The following KDM3A variants were observed in gnomAD, a reference collection of about 807,000 sequenced individuals.
KDM3A encodes the protein lysine demethylase 3A, also known as lysine-specific demethylase 3A.
In KDM3A, 60 loss-of-function variants were observed where a neutral mutation model predicts 158.0. The ratio of observed to expected loss-of-function variants is 0.38; its 90% confidence interval spans 0.31 to 0.47. The LOEUF is 0.47. Ranked by LOEUF, KDM3A falls within the 20% of genes least tolerant of loss-of-function variation. The pLI is 0.99. For synonymous variants in KDM3A, 608 were observed against 549.3 expected (o/e 1.11, Z -1.49); for missense variants, 1,319 against 1,574.3 (o/e 0.84, Z 2.74).
chr2:86,447,483 T>G (rs1040668094), intron 2 of KDM3A, among the ~76,000 whole-genome samples: 1 of 151,304 alleles, frequency 6.6e-6, no homozygotes, highest in African/African-American at 2.4e-5. Flanking sequence ...TGAATAGATA[T>G]TAGATAATTG....
Position 86,491,195 on chromosome 2 carries a change from C to G in KDM3A, c.3805C>G (p.His1269Asp). Reference sequence around the variant, plus strand: ...GGCTGAAGATTTTGTTTCTCCAGAGCATGTTAAACACTGCTTCTGGCTTAC... The same window carrying G: ...GGCTGAAGATTTTGTTTCTCCAGAGGATGTTAAACACTGCTTCTGGCTTAC... Reference protein sequence around the residue: ...KVAEDFVSPEHVKHCFWLTQE... With the variant: ...KVAEDFVSPEDVKHCFWLTQE... Residue 1269 changes from histidine (H) to aspartate (D), a missense_variant, in exon 25 of 26, where the codon CAT becomes GAT. By Grantham distance (81) the His-to-Asp change is moderately conservative. Around this residue, in one of 4 missense-constraint regions of KDM3A, gnomAD observed 186 missense variants for 340.9 expected, o/e 0.55. Transcript: ENST00000312912. The G allele has an allele frequency of 6.2e-7, 1 of 1,613,358 alleles. No individual in the cohort carries two copies. Among genetic ancestry groups the G allele is most frequent in the Non-Finnish European group, 8.5e-7 (1 of 1,179,316 alleles).
In KDM3A at chr2:86,480,343, T is replaced by C. The variant is rs757684789; in HGVS notation, c.2493T>C (p.Asn831=). Residue 831 remains asparagine, a synonymous_variant, in exon 16 of 26, where the codon AAT becomes AAC. Coordinates refer to ENST00000312912, the MANE Select transcript of KDM3A (RefSeq NM_018433.6). ...GGCTGGCCGACCTAACCAGCGGGAATGTCAACAAGGAAAACAAGGGTGAGT... is the reference window on the plus strand; with the variant it reads ...GGCTGGCCGACCTAACCAGCGGGAACGTCAACAAGGAAAACAAGGGTGAGT... ...LNWLADLTSG[N]VNKENKEKQP... is the part of the protein sequence containing the mutation. 7 of 1,612,764 alleles carry C rather than the reference T, an allele frequency of 4.3e-6. No individual in the cohort carries two copies. Among genetic ancestry groups the C allele is most frequent in the Middle Eastern group, 1.6e-4 (1 of 6,064 alleles).
intron 8 of KDM3A, among the ~76,000 whole-genome samples, chr2:86,463,371 A>C (rs1473763044): frequency 6.6e-6 from 1 of 151,794 alleles, no homozygotes; most frequent in Non-Finnish European, 1.5e-5. Context: ...TGGGAAGTTT[A>C]TTTTTGTGAA....
chr2:86,460,998 A>AT (rs1672903246), intron 8 of KDM3A, among the ~76,000 whole-genome samples: 1 of 152,234 alleles, frequency 6.6e-6, no homozygotes, highest in Non-Finnish European at 1.5e-5. Flanking sequence ...AGTTGTGCTA[A>AT]TTCTAACACA....
At chr2:86,439,428 T>A (rs1040872898), upstream of KDM3A, among the ~76,000 whole-genome samples, 1 of 152,088 alleles carries the variant, frequency 6.6e-6, no homozygotes, top group Non-Finnish European at 1.5e-5. Context: ...TTCTTTCTTA[T>A]ACTCGCCCAG....
At position 86,442,191 on chromosome 2, in the gene KDM3A, T is replaced by A; in HGVS notation, c.144T>A (p.Ile48=). Residue 48 remains isoleucine (I), a synonymous_variant, in exon 2 of 26, where the codon ATT becomes ATA. Transcript: ENST00000312912. ...VAEWPWLSGT[I]RAVSHTDVTK... ...AGTGGCCCTGGCTCTCCGGGACCATTCGAGCTGTTTCCCACACCGACGTTA... is the reference window on the plus strand; with the variant it reads ...AGTGGCCCTGGCTCTCCGGGACCATACGAGCTGTTTCCCACACCGACGTTA... The A allele has an allele frequency of 6.2e-7, 1 of 1,613,074 alleles. No homozygotes were observed. Among genetic ancestry groups the A allele is most frequent in the Non-Finnish European group, 8.5e-7 (1 of 1,179,496 alleles).
chr2:86,464,464 G>C (rs1179055033), intron 9 of KDM3A, among the ~76,000 whole-genome samples: 1 of 152,174 alleles, frequency 6.6e-6, no homozygotes, highest in Non-Finnish European at 1.5e-5. Context: ...AATTGAAATA[G>C]TACCTTTGTA....
chr2:86,464,734 T>A (rs1261974723), intron 9 of KDM3A, among the ~76,000 whole-genome samples: 1 of 152,246 alleles, frequency 6.6e-6, no homozygotes, highest in African/African-American at 2.4e-5. Flanking sequence ...ATGTAAAGTT[T>A]CACTAGAAAG....
chr2:86,475,565 G>T (rs1329456322), intron 12 of KDM3A, among the ~76,000 whole-genome samples: 2 of 152,200 alleles, frequency 1.3e-5, no homozygotes, highest in Non-Finnish European at 2.9e-5. Flanking sequence ...AGGAATCAGG[G>T]TAGGTGGCAC....
intron 8 of KDM3A, among the ~76,000 whole-genome samples, chr2:86,461,673 C>T (rs900894001): frequency 1.9e-4 from 29 of 152,222 alleles, no homozygotes; most frequent in Non-Finnish European, 2.8e-4. Context: ...GAGTAAGGGA[C>T]GGCTTTTGGG....
chr2:86,469,588 CT>C (rs1397207211), intron 10 of KDM3A, among the ~76,000 whole-genome samples: 1 of 152,170 alleles, frequency 6.6e-6, no homozygotes, highest in Non-Finnish European at 1.5e-5. Context: ...AATGATAATC[CT>C]GTCTGTAGCC....
rs771054383 is a variant in KDM3A at position 86,442,030 on chromosome 2, C to G, written c.-18C>G. The G allele has an allele frequency of 3.7e-6, 6 of 1,600,780 alleles. No homozygotes were observed. In the East Asian group the frequency reaches 1.4e-4, roughly 36 times the overall value. ...TGTGTTTTTGCAGGGAGGAGCTCTT[C>G]CTGCAGGCGTGGAAACCATGGTGCT... On this transcript the variant is annotated 5_prime_UTR_variant, in exon 2 of 26. Transcript: ENST00000312912.
chr2:86,490,527 G>C (rs1303844282), intron 23 of KDM3A: 1 of 168,132 alleles, frequency 5.9e-6, no homozygotes, highest in Non-Finnish European at 1.3e-5. Flanking sequence ...TCGTAAGTCA[G>C]ATTAAGTAAA....
chr2:86,483,889 A>T, intron 18 of KDM3A, 98 bp from the exon 19 acceptor site: 1 of 983,992 alleles, frequency 1.0e-6, no homozygotes, highest in Admixed American at 2.5e-5. Context: ...CACCAGCTCC[A>T]TGGAAATATA....
At chr2:86,445,281 TCTA>T (rs1316983909) in intron 2 of KDM3A, among the ~76,000 whole-genome samples, 1 of 152,158 alleles carries the variant, frequency 6.6e-6, no homozygotes, top group African/African-American at 2.4e-5. Flanking sequence ...TTAGAAAGAA[TCTA>T]CTGATGAGGC....
rs1385406330 is a variant in KDM3A at position 86,492,158 on chromosome 2, C to A, written c.*39C>A. On this transcript the variant is annotated 3_prime_UTR_variant, in exon 26 of 26. Coordinates refer to ENST00000312912, the MANE Select transcript of KDM3A (RefSeq NM_018433.6). The stretch of plus-strand genomic sequence containing the variant: ...TGGAAATGAATTACAGGCAGCTGTT[C>A]AAACTCTTCAGGCAGGATTCCTGTG... The A allele has an allele frequency of 1.4e-6, 2 of 1,443,928 alleles. No homozygotes were observed. Among genetic ancestry groups the A allele is most frequent in the South Asian group, 1.2e-5 (1 of 86,576 alleles). 89.4% of individuals were successfully genotyped at this position (1,443,928 alleles called of 1,614,324 possible). A position where few individuals can be genotyped will look rare whatever the true frequency, so the allele number is the denominator to read the frequency against.
At chr2:86,446,944 T>G (rs1411698862) in intron 2 of KDM3A, among the ~76,000 whole-genome samples, 2 of 152,130 alleles carry the variant, frequency 1.3e-5, no homozygotes, top group South Asian at 2.1e-4. Flanking sequence ...CCTGAATATC[T>G]AGGACCACAG....
chr2:86,466,941 C>G, intron 10 of KDM3A, 58 bp downstream of exon 10: 3 of 1,316,498 alleles, frequency 2.3e-6, no homozygotes, highest in Non-Finnish European at 3.1e-6. Context: ...ATATATATAT[C>G]TCTTTCTTGT....
intron 2 of KDM3A, among the ~76,000 whole-genome samples, chr2:86,444,669 G>A (rs1193871714): frequency 3.3e-5 from 5 of 151,358 alleles, no homozygotes; most frequent in Non-Finnish European, 7.4e-5. Context: ...ATGGGGGTGG[G>A]GCGAGGGGCT....
Sources: allele counts gnomAD v4.1 joint callset (sites outside exome capture counted in the v4.1 genomes callset), GRCh38; gene constraint gnomAD v4.1.1; regional missense constraint gnomAD v4.1.1; transcripts MANE v1.5; gene names NCBI Gene and HGNC (gene_info 2026-07-23, HGNC 2026-07-21).